Variants in SYNJ2 observed in about 807,000 individuals in gnomAD.
The protein encoded by SYNJ2 is synaptojanin 2.
Under a neutral mutation model 141.3 loss-of-function variants are expected in SYNJ2, and 116 were observed. The observed-to-expected ratio is 0.82, with a 90% CI of 0.71 to 0.96. The LOEUF (loss-of-function observed/expected upper bound fraction) is 0.96. Among genes scored for constraint, SYNJ2 ranks in the 40% least tolerant of loss-of-function variants. The pLI is 0.00. For synonymous variants in SYNJ2, 745 were observed against 777.7 expected, an observed-to-expected ratio of 0.96 and a Z score of 0.70; for missense variants, 1,873 against 1,934.8, an observed-to-expected ratio of 0.97 and a Z score of 0.60.
At position 158,040,756 on chromosome 6, in the gene SYNJ2, G is replaced by A. The variant is rs951760931; in HGVS notation, c.712-2560G>A. Among the ~76,000 whole-genome samples, 5 of 152,124 alleles carry A rather than the reference G, an allele frequency of 3.3e-5. No individual in the cohort carries two copies. The highest frequency in any genetic ancestry group is 1.2e-4 in the African/African-American group (5 of 41,424). On this transcript the variant is annotated intron_variant, in intron 4 of 26. Transcript: ENST00000355585. The surrounding 1 kb of genome is among the most constrained non-coding windows in gnomAD (Gnocchi z 4.2). ...CCTGCCTCGTCGCTCTCTTTTTATG[G>A]CCATTAGGTTTCTGTTCCCACTGCT...
intron 22 of SYNJ2, among the ~76,000 whole-genome samples, chr6:158,086,550 C>A (rs1783046717): frequency 6.6e-6 from 1 of 152,206 alleles, no homozygotes; most frequent in African/African-American, 2.4e-5. Context: ...TGGTTTGCAA[C>A]TGTCTCCTCC....
chr6:158,057,424 A>T (rs1287145354), intron 6 of SYNJ2, among the ~76,000 whole-genome samples: 1 of 152,176 alleles, frequency 6.6e-6, no homozygotes, highest in African/African-American at 2.4e-5. Flanking sequence ...AAAGGGAAAG[A>T]AAGAGGAACC....
At chr6:158,090,815 G>A (rs1481134922) in intron 25 of SYNJ2, among the ~76,000 whole-genome samples, 1 of 151,304 alleles carries the variant, frequency 6.6e-6, no homozygotes, top group African/African-American at 2.4e-5. Context: ...AAAGTGCTGG[G>A]ATTACAGGTG....
chr6:158,067,343 A>G (rs1781632075), intron 12 of SYNJ2: 1 of 820,184 alleles, frequency 1.2e-6, no homozygotes, highest in African/African-American at 1.9e-5. Flanking sequence ...GATATTGACC[A>G]AGAACAGCTC....
intron 5 of SYNJ2, among the ~76,000 whole-genome samples, chr6:158,045,774 G>T (rs952998070): frequency 6.6e-6 from 1 of 151,864 alleles, no homozygotes; most frequent in South Asian, 2.1e-4. Flanking sequence ...CTTGACCTTC[G>T]TGCTGCCTCA....
intron 3 of SYNJ2, chr6:158,029,233 A>G (rs1779230048): frequency 1.6e-6 from 1 of 624,564 alleles, no homozygotes; most frequent in Non-Finnish European, 2.7e-6. Flanking sequence ...TGGCCCCTGG[A>G]ATGTGTTCAG....
intron 15 of SYNJ2, among the ~76,000 whole-genome samples, chr6:158,073,899 TTG>T (rs139295566): frequency 0.56 from 74,124 of 132,866 alleles, 18,738 homozygotes; most frequent in East Asian, 0.66. Context: ...TTTCTGAACT[TTG>T]TTTTTTTTTT....
rs17489860 is a variant in SYNJ2, at chr6:158,084,889, G to A, written c.3208+715G>A. The stretch of plus-strand genomic sequence containing the variant: ...CATATCTATGTCCTGAGTTGCTGGC[G>A]TATGGTCACACTCATATAATATCAT... On this transcript the variant is annotated intron_variant, in intron 22 of 26. Coordinates refer to ENST00000355585, the MANE Select transcript of SYNJ2 (RefSeq NM_003898.4). This position sits in a 1 kb window ranked among gnomAD's most constrained non-coding sequence, Gnocchi z 5.0. 0.13 allele frequency among the ~76,000 whole-genome samples: 19,587 copies of A among 151,674 alleles called. 1,519 individuals carry two copies. Among genetic ancestry groups the A allele is most frequent in the African/African-American group, 0.21 (8,851 of 41,268 alleles).
intron 2 of SYNJ2, among the ~76,000 whole-genome samples, chr6:158,021,000 G>T (rs1583331899): frequency 1.3e-5 from 2 of 152,206 alleles, no homozygotes; most frequent in South Asian, 4.1e-4. Context: ...AGCAGGAAGG[G>T]GTTGGAGCTC....
intron 4 of SYNJ2, among the ~76,000 whole-genome samples, chr6:158,036,256 G>A (rs1398299867): frequency 6.6e-6 from 1 of 152,202 alleles, no homozygotes; most frequent in Non-Finnish European, 1.5e-5. Flanking sequence ...AGAGAAAAAG[G>A]AACGCTCATA....
rs1274761555 is a variant in SYNJ2, at chr6:158,076,745, G to T, written c.2412G>T (p.Val804=). The T allele has an allele frequency of 1.2e-6, 2 of 1,614,086 alleles. No homozygotes were observed. Among genetic ancestry groups the T allele is most frequent in the East Asian group, 2.2e-5 (1 of 44,884 alleles). Residue 804 remains valine, a synonymous_variant, in exon 17 of 27, where the codon GTG becomes GTT. Coordinates refer to ENST00000355585, the MANE Select transcript of SYNJ2 (RefSeq NM_003898.4). ...KCRTPAWTDR[V]LWWRKKHPFD... The stretch of plus-strand genomic sequence containing the variant: ...GCACCCCCGCCTGGACAGACAGGGT[G>T]CTGTGGTGGAGGAAGAAACATCCCT...
chr6:158,061,550 G>A (rs1344892990), intron 7 of SYNJ2, among the ~76,000 whole-genome samples: 2 of 152,162 alleles, frequency 1.3e-5, no homozygotes, highest in East Asian at 1.9e-4. Context: ...GCTGGTGCGC[G>A]GCAGGATGGG....
intron 3 of SYNJ2, chr6:158,030,430 G>A: frequency 6.6e-6 from 1 of 152,600 alleles, no homozygotes; most frequent in Non-Finnish European, 1.5e-5. Context: ...GTTTTCATCT[G>A]GCCTTGGTGC....
At chr6:158,053,764 C>T (rs1395559875) in intron 5 of SYNJ2, among the ~76,000 whole-genome samples, 1 of 150,598 alleles carries the variant, frequency 6.6e-6, no homozygotes, top group Non-Finnish European at 1.5e-5. Context: ...CATCCATGCA[C>T]CCACCCATCC....
intron 12 of SYNJ2, chr6:158,067,390 C>G (rs1051063785): frequency 2.1e-6 from 2 of 972,774 alleles, no homozygotes; most frequent in African/African-American, 3.5e-5. Flanking sequence ...TATTAATCTG[C>G]TTTAAGTAGT....
rs565007741 is a variant in SYNJ2 at position 158,064,760 on chromosome 6, C to T, written c.1359+10C>T. ...GGAAGGGAAGGCCAAGGTAGGGCCC[C>T]GCCGAGGGGGCAGGGTGGGGGCCCC... On this transcript the variant is annotated intron_variant, in intron 10 of 26. Transcript: ENST00000355585. The T allele has an allele frequency of 2.7e-5, 43 of 1,613,154 alleles. No individual in the cohort carries two copies. The highest frequency in any genetic ancestry group is 6.7e-5 in the East Asian group (3 of 44,844).
chr6:158,023,868 T>G (rs1292056617), intron 2 of SYNJ2, among the ~76,000 whole-genome samples: 1 of 152,222 alleles, frequency 6.6e-6, no homozygotes, highest in African/African-American at 2.4e-5. Flanking sequence ...GCTGACACAT[T>G]AGTAACCATT....
intron 12 of SYNJ2, 67 bp from the exon 13 acceptor site, chr6:158,068,580 G>T (rs1047261712): frequency 1.9e-6 from 3 of 1,571,298 alleles, no homozygotes; most frequent in Non-Finnish European, 2.6e-6. Context: ...GCACTGGGGA[G>T]CCCCATGAAC....
Position 158,043,439 on chromosome 6 carries a change from G to A in SYNJ2, c.795+40G>A, listed in dbSNP as rs1436421538. The A allele has an allele frequency of 6.8e-7, 1 of 1,464,792 alleles. No homozygotes were observed. The highest frequency in any genetic ancestry group is 1.4e-5 in the African/African-American group (1 of 71,894). 90.7% of individuals were successfully genotyped at this position (1,464,792 alleles called of 1,614,324 possible). A position where few individuals can be genotyped will look rare whatever the true frequency, so the allele number is the denominator to read the frequency against. Reference sequence around the variant, plus strand: ...AACTTAAATGTCCCCTTGTGATGTTGTCCGCCCTGCCCTTCCCTTCAATAG... The same window carrying A: ...AACTTAAATGTCCCCTTGTGATGTTATCCGCCCTGCCCTTCCCTTCAATAG... On this transcript the variant is annotated intron_variant, in intron 5 of 26. Coordinates refer to ENST00000355585, the MANE Select transcript of SYNJ2 (RefSeq NM_003898.4). This position sits in a 1 kb window ranked among gnomAD's most constrained non-coding sequence, Gnocchi z 4.0.
Sources: gnomAD v4.1 joint callset for allele counts (sites outside exome capture counted in the v4.1 genomes callset) on GRCh38, gnomAD v4.1.1 for gene constraint, Gnocchi (gnomAD v3.1) non-coding constraint, MANE v1.5 for transcripts, NCBI Gene and HGNC (gene_info 2026-07-23, HGNC 2026-07-21) for gene names.